The following PRELID2 variants were observed in gnomAD, a reference collection of about 807,000 sequenced individuals.
PRELID2 encodes the protein PRELI domain containing 2, also known as PRELI domain-containing protein 2.
Under a neutral mutation model 28.4 loss-of-function variants are expected in PRELID2, and 25 were observed. The observed-to-expected ratio is 0.88, with a 90% CI of 0.64 to 1.23. The LOEUF (loss-of-function observed/expected upper bound fraction) is 1.23. Ranked by LOEUF, PRELID2 falls within the 50% of genes most tolerant of loss-of-function variation. The probability of loss-of-function intolerance (pLI) is 0.00; values close to 1 mark genes in which losing one functional copy is unlikely to be tolerated. For synonymous variants in PRELID2, 76 were observed against 71.6 expected (o/e 1.06, Z -0.31); for missense variants, 201 against 214.4 (o/e 0.94, Z 0.39).
At chr5:145,742,076 G>A (rs1344003279) in intron 1 of PRELID2, among the ~76,000 whole-genome samples, 10 of 39,844 alleles carry the variant, frequency 2.5e-4, no homozygotes, top group East Asian at 8.8e-4. Context: ...ATAATTATAC[G>A]TAATTATATA....
the PRELID2 span, among the ~76,000 whole-genome samples, chr5:145,265,912 A>C: frequency 6.6e-6 from 1 of 152,218 alleles, no homozygotes; most frequent in African/African-American, 2.4e-5. Flanking sequence ...CAAAGACTTC[A>C]TGGGCAATAA....
chr5:145,262,948 C>A, the PRELID2 span, among the ~76,000 whole-genome samples: 3 of 152,060 alleles, frequency 2.0e-5, no homozygotes, highest in Non-Finnish European at 4.4e-5. Context: ...AAGAGACTCA[C>A]CTGACATATA....
intron 1 of PRELID2, among the ~76,000 whole-genome samples, chr5:145,512,324 G>A (rs1752468867): frequency 6.6e-6 from 1 of 152,148 alleles, no homozygotes; most frequent in Non-Finnish European, 1.5e-5. Flanking sequence ...AGGGTGGGGA[G>A]TCGCCTCACT....
the PRELID2 span, among the ~76,000 whole-genome samples, chr5:145,389,239 T>C: frequency 4.3e-4 from 66 of 152,206 alleles, no homozygotes; most frequent in African/African-American, 1.4e-3. Flanking sequence ...AAATGACTGA[T>C]TGATTGATTC....
chr5:145,688,852 C>A (rs1755089436), intron 1 of PRELID2, among the ~76,000 whole-genome samples: 1 of 152,208 alleles, frequency 6.6e-6, no homozygotes, highest in Non-Finnish European at 1.5e-5. Context: ...TCAGAATGAT[C>A]TTCAGGCTTC....
chr5:145,500,636 C>G (rs1334145262), intron 1 of PRELID2, among the ~76,000 whole-genome samples: 1 of 152,050 alleles, frequency 6.6e-6, no homozygotes, highest in Non-Finnish European at 1.5e-5. Context: ...TTGCAAGTAA[C>G]AGAAATTGAT....
chr5:145,298,877 A>C, the PRELID2 span, among the ~76,000 whole-genome samples: 1 of 152,178 alleles, frequency 6.6e-6, no homozygotes, highest in Non-Finnish European at 1.5e-5. Flanking sequence ...TATTCCTTTC[A>C]TATATTTACA....
chr5:145,356,891 A>G, the PRELID2 span, among the ~76,000 whole-genome samples: 1 of 152,044 alleles, frequency 6.6e-6, no homozygotes, highest in South Asian at 2.1e-4. Flanking sequence ...TTTTCTTTCC[A>G]TATTTATCCC....
chr5:145,790,721 G>GTGTGTGTGTGTGTGTATA lies in PRELID2; in HGVS notation c.474+5720_474+5721insTATACACACACACACACA, dbSNP rs772901344. 2.3e-3 allele frequency among the ~76,000 whole-genome samples: 257 copies of GTGTGTGTGTGTGTGTATA among 110,896 alleles called. 3 individuals carry two copies. The highest frequency in any genetic ancestry group is 2.3e-3 in the African/African-American group (76 of 32,680). The allele number at this position is 110,896 out of a possible 152,430, so 72.8% of individuals were successfully genotyped here. On this transcript the variant is annotated intron_variant, in intron 5 of 6. Coordinates refer to ENST00000683046, the MANE Select transcript of PRELID2 (RefSeq NM_205846.3). ...CCACATTGTGTGTGTGTGTGTGTGT[G>GTGTGTGTGTGTGTGTATA]TATATATATATATATATATATATAT...
the PRELID2 span, among the ~76,000 whole-genome samples, chr5:145,301,601 T>A: frequency 6.6e-6 from 1 of 152,204 alleles, no homozygotes; most frequent in African/African-American, 2.4e-5. Flanking sequence ...ACAAAGTTAC[T>A]CTCCTGGATT....
the PRELID2 span, among the ~76,000 whole-genome samples, chr5:145,250,219 A>G: frequency 8.5e-4 from 129 of 152,280 alleles, no homozygotes; most frequent in African/African-American, 2.9e-3. Flanking sequence ...AACCTTCGTC[A>G]GCATGAATTA....
chr5:145,757,407 T>C lies in PRELID2; in HGVS notation c.*3129A>G, dbSNP rs999763368. Among the ~76,000 whole-genome samples, 1 of 152,222 alleles carries C rather than the reference T, an allele frequency of 6.6e-6. No homozygotes were observed. The highest frequency in any genetic ancestry group is 6.5e-5 in the Admixed American group (1 of 15,290). On this transcript the variant is annotated 3_prime_UTR_variant, in exon 7 of 7. Transcript: ENST00000683046. ...TCGCTGGGGAAAGGGACTGAGAACC[T>C]GCACGTTAGCACGTTGCCCCAAAGA... is the stretch of plus-strand genomic sequence containing the variant.
chr5:145,557,908 T>G (rs1193406376), intron 1 of PRELID2, among the ~76,000 whole-genome samples: 2 of 152,240 alleles, frequency 1.3e-5, no homozygotes, highest in African/African-American at 2.4e-5. Context: ...TTGATGAAGT[T>G]GGTTCTTGCC....
the PRELID2 span, among the ~76,000 whole-genome samples, chr5:145,343,800 A>G: frequency 2.6e-5 from 4 of 151,976 alleles, no homozygotes; most frequent in East Asian, 7.7e-4. Flanking sequence ...AGTATACCCA[A>G]ATAAGCAAAA....
chr5:145,496,441 T>G lies in PRELID2; in HGVS notation n.71-23126A>C, dbSNP rs529329702. 2.0e-5 allele frequency among the ~76,000 whole-genome samples: 3 copies of G among 152,190 alleles called. No individual in the cohort carries two copies. The East Asian group carries it at 5.8e-4, about 29-fold the overall frequency. ...GTAAGTATATACAGAAAAAAAGAGA[T>G]AACCTGGGAAATCCAATACTTGGAG... On this transcript the variant is annotated intron_variant and non_coding_transcript_variant, in intron 1 of 2. Transcript: ENST00000510259.
chr5:145,403,013 G>C, the PRELID2 span, among the ~76,000 whole-genome samples: 1 of 152,130 alleles, frequency 6.6e-6, no homozygotes, highest in Non-Finnish European at 1.5e-5. Flanking sequence ...GTAGAACTAG[G>C]ATTTGGACCC....
intron 1 of PRELID2, among the ~76,000 whole-genome samples, chr5:145,831,260 C>A (rs1372287155): frequency 6.6e-6 from 1 of 152,202 alleles, no homozygotes; most frequent in Non-Finnish European, 1.5e-5. Context: ...TGTGATGCTG[C>A]TGACTGCACA....
chr5:145,493,457 T>G (rs909615994), intron 1 of PRELID2, among the ~76,000 whole-genome samples: 3 of 152,360 alleles, frequency 2.0e-5, no homozygotes, highest in Middle Eastern at 3.4e-3. Context: ...TTCAGTGTCC[T>G]GATTGTGTCA....
At chr5:145,387,873 C>T in the PRELID2 span, among the ~76,000 whole-genome samples, 1 of 151,378 alleles carries the variant, frequency 6.6e-6, no homozygotes, top group Non-Finnish European at 1.5e-5. Flanking sequence ...TTGCAGTAAG[C>T]CCAGATTGCA....
Sources: allele counts gnomAD v4.1 joint callset (sites outside exome capture counted in the v4.1 genomes callset), GRCh38; gene constraint gnomAD v4.1.1; transcripts MANE v1.5; gene names NCBI Gene and HGNC (gene_info 2026-07-23, HGNC 2026-07-21).